The following SPINK5 variants were observed in gnomAD, a reference collection of about 807,000 sequenced individuals.
SPINK5 encodes the protein serine protease inhibitor Kazal-type 5.
A neutral mutation model predicts 151.8 loss-of-function variants in SPINK5; 125 were observed. That is an observed-to-expected ratio of 0.82 (90% CI 0.71 to 0.96). The LOEUF (loss-of-function observed/expected upper bound fraction) is 0.96. SPINK5 is among the 40% of genes least tolerant of loss of function. The pLI, the probability that SPINK5 is intolerant of heterozygous loss-of-function variation, is 0.00. For missense variants in SPINK5, 1,194 were observed against 1,291.9 expected, an observed-to-expected ratio of 0.92 and a Z score of 1.16; for synonymous variants, 374 against 395.3, an observed-to-expected ratio of 0.95 and a Z score of 0.64.
intron 4 of SPINK5, among the ~76,000 whole-genome samples, chr5:148,073,280 T>C (rs901734692): frequency 1.3e-5 from 2 of 151,968 alleles, no homozygotes; most frequent in African/African-American, 4.8e-5. Flanking sequence ...AACGCTGACA[T>C]CTTCCTTGGC....
chr5:148,074,578 A>T (rs10052211), intron 4 of SPINK5, among the ~76,000 whole-genome samples: 3 of 151,426 alleles, frequency 2.0e-5, no homozygotes, highest in South Asian at 2.1e-4. Flanking sequence ...CCCCCTTCTT[A>T]GTTCATGTTG....
At chr5:148,092,905 G>C (rs2113083541) in intron 8 of SPINK5, among the ~76,000 whole-genome samples, 1 of 152,016 alleles carries the variant, frequency 6.6e-6, no homozygotes, top group South Asian at 2.1e-4. Context: ...AAAAACCAAA[G>C]AATGCTAGAT....
chr5:148,093,218 G>GC (rs1753360030), intron 8 of SPINK5, among the ~76,000 whole-genome samples: 1 of 151,970 alleles, frequency 6.6e-6, no homozygotes, highest in Non-Finnish European at 1.5e-5. Flanking sequence ...GCCTAGAGTA[G>GC]CTTAGAGTAT....
chr5:148,118,367 G>A, intron 22 of SPINK5, 70 bp from the exon 23 acceptor site: 1 of 1,607,748 alleles, frequency 6.2e-7, no homozygotes. Flanking sequence ...TACTCAGACT[G>A]TTAAAACAAT....
chr5:148,118,961 G>T, intron 23 of SPINK5, 25 bp from the exon 24 acceptor site: 1 of 1,609,630 alleles, frequency 6.2e-7, no homozygotes, highest in South Asian at 1.1e-5. Context: ...TTAACAAGAT[G>T]AATATTCACT....
Position 148,070,418 on chromosome 5 carries a change from C to T in SPINK5, c.177C>T (p.Phe59=). The change falls in exon 3 of 33, where the codon TTC becomes TTT. Residue 59 remains phenylalanine, a synonymous_variant. Transcript: ENST00000256084. ...TTCAAAGTCTTGATGGAATAATGTT[C>T]ATCAATAAATGTGCCACGTGCAAAA... is the stretch of plus-strand genomic sequence containing the variant. ...KFFQSLDGIM[F]INKCATCKMI... 1 of 1,612,662 alleles carries T rather than the reference C, an allele frequency of 6.2e-7. No homozygotes were observed. The highest frequency in any genetic ancestry group is 1.3e-5 in the African/African-American group (1 of 74,930).
intron 24 of SPINK5, among the ~76,000 whole-genome samples, chr5:148,119,566 T>C (rs1754195888): frequency 6.6e-6 from 1 of 152,232 alleles, no homozygotes; most frequent in South Asian, 2.1e-4. Flanking sequence ...ATCTGTTTCT[T>C]TGCTTTCTCT....
At chr5:148,126,040 G>A (rs943885324) in intron 29 of SPINK5, among the ~76,000 whole-genome samples, 190 bp downstream of exon 29, 2 of 152,256 alleles carry the variant, frequency 1.3e-5, no homozygotes, top group African/African-American at 2.4e-5. Context: ...CAAAAATTCC[G>A]TATGTAAGTT....
At chr5:148,077,476 G>A (rs1310253550) in intron 4 of SPINK5, among the ~76,000 whole-genome samples, 1 of 150,908 alleles carries the variant, frequency 6.6e-6, no homozygotes, top group Non-Finnish European at 1.5e-5. Context: ...AATAATGAAG[G>A]AGGTCATTTA....
chr5:148,108,723 T>G lies in SPINK5; in HGVS notation c.1608-30T>G, dbSNP rs942410511. 8 of 1,605,752 alleles carry G rather than the reference T, an allele frequency of 5.0e-6. No individual in the cohort carries two copies. The African/African-American group carries it at 1.1e-4, about 22-fold the overall frequency. The stretch of plus-strand genomic sequence containing the variant: ...CTACCAAAAAGAGTAGGGAATCATA[T>G]TCAGCCTATATCTTCTTTTTCTATT... On this transcript the variant is annotated intron_variant, in intron 17 of 32. Coordinates refer to ENST00000256084, the MANE Select transcript of SPINK5 (RefSeq NM_006846.4).
At chr5:148,120,248 A>G (rs761942767) in intron 25 of SPINK5, 47 bp from the exon 26 acceptor site, 2 of 1,606,216 alleles carry the variant, frequency 1.2e-6, no homozygotes, top group East Asian at 2.2e-5. Flanking sequence ...GTAATTAATG[A>G]GGCGTTTGTT....
At chr5:148,089,690 C>T in intron 7 of SPINK5, 69 bp downstream of exon 7, 1 of 1,606,030 alleles carries the variant, frequency 6.2e-7, no homozygotes. Context: ...AATCACTCAG[C>T]AGAGAGATAA....
rs906890159 is a variant in SPINK5, at chr5:148,073,959, C to T, written c.282+1739C>T. 6.6e-5 allele frequency among the ~76,000 whole-genome samples: 10 copies of T among 151,048 alleles called. No homozygotes were observed. In the East Asian group the frequency reaches 1.4e-3, roughly 21 times the overall value. ...ACTTACATAACCAAGTAGTAACTTA[C>T]ATTAAGTTAAGGCAGTTAACATTTG... On this transcript the variant is annotated intron_variant, in intron 4 of 32. Transcript: ENST00000256084.
chr5:148,134,923 A>G (rs1273605092), intron 32 of SPINK5, among the ~76,000 whole-genome samples: 2 of 151,934 alleles, frequency 1.3e-5, no homozygotes, highest in Non-Finnish European at 2.9e-5. Context: ...AATACTAGAT[A>G]AGGCCATATT....
At position 148,064,015 on chromosome 5, in the gene SPINK5, G is replaced by C; in HGVS notation, c.-30G>C. ...CACCAGCTGAGCAATGCATGGAGTG[G>C]ACCTGTAGGCGACTTGCATCGTCTT... On this transcript the variant is annotated 5_prime_UTR_variant, in exon 1 of 33. Transcript: ENST00000256084. 6.2e-7 allele frequency: 1 copy of C among 1,613,892 alleles called. No individual in the cohort carries two copies. Among genetic ancestry groups the C allele is most frequent in the South Asian group, 1.1e-5 (1 of 91,060 alleles).
intron 15 of SPINK5, among the ~76,000 whole-genome samples, chr5:148,104,388 T>C (rs1005924474): frequency 1.3e-5 from 2 of 152,214 alleles, no homozygotes; most frequent in African/African-American, 4.8e-5. Flanking sequence ...AAGAAAGTAC[T>C]ATTGCAGTAC....
intron 30 of SPINK5, among the ~76,000 whole-genome samples, chr5:148,130,755 C>G (rs1754550762): frequency 6.6e-6 from 1 of 152,000 alleles, no homozygotes; most frequent in South Asian, 2.1e-4. Context: ...AAAGTAAGGA[C>G]TACTATTATT....
intron 20 of SPINK5, 65 bp downstream of exon 20, chr5:148,112,999 A>T: frequency 6.3e-7 from 1 of 1,597,046 alleles, no homozygotes. Context: ...CTGTAAAAAT[A>T]ACTATGGAAT....
chr5:148,066,297 T>TCA (rs200359672), intron 2 of SPINK5, among the ~76,000 whole-genome samples: 1 of 152,064 alleles, frequency 6.6e-6, no homozygotes, highest in Non-Finnish European at 1.5e-5. Flanking sequence ...GACCAATTAC[T>TCA]CACACACACA....
Sources: allele counts gnomAD v4.1 joint callset (sites outside exome capture counted in the v4.1 genomes callset), GRCh38; gene constraint gnomAD v4.1.1; transcripts MANE v1.5; gene names NCBI Gene and HGNC (gene_info 2026-07-23, HGNC 2026-07-21).